The following BCL2 variants were observed in gnomAD, a reference collection of about 807,000 sequenced individuals.
BCL2 encodes the protein BCL2 apoptosis regulator.
BCL2 carries 1 observed loss-of-function variant against 14.2 expected under a neutral mutation model. The observed-to-expected ratio is 0.07, with a 90% confidence interval of 0.02 to 0.33. The LOEUF (loss-of-function observed/expected upper bound fraction) is 0.33. Ranked by LOEUF, BCL2 falls within the 10% of genes least tolerant of loss-of-function variation. The pLI, the probability that BCL2 is intolerant of heterozygous loss-of-function variation, is 0.99. For synonymous variants in BCL2, 151 were observed against 137.2 expected, an observed-to-expected ratio of 1.10 and a Z score of -0.70; for missense variants, 247 against 305.9, an observed-to-expected ratio of 0.81 and a Z score of 1.44.
chr18:63,173,880 A>C (rs1316767092), intron 2 of BCL2, among the ~76,000 whole-genome samples: 5 of 152,222 alleles, frequency 3.3e-5, no homozygotes, highest in Non-Finnish European at 7.4e-5. Context: ...ACTGACTATA[A>C]TCAAATTTGA....
chr18:63,163,470 G>T (rs1315466559), intron 2 of BCL2, among the ~76,000 whole-genome samples: 3 of 152,152 alleles, frequency 2.0e-5, no homozygotes, highest in African/African-American at 7.2e-5. Context: ...AACAGCAGAT[G>T]AAGCAACCTT....
At chr18:63,248,016 G>T (rs1911202706) in intron 2 of BCL2, among the ~76,000 whole-genome samples, 1 of 152,184 alleles carries the variant, frequency 6.6e-6, no homozygotes, top group African/African-American at 2.4e-5. Context: ...CATACATGGT[G>T]CCAAGCAGCC....
At chr18:63,229,873 A>G (rs1157466002) in intron 2 of BCL2, among the ~76,000 whole-genome samples, 1 of 152,172 alleles carries the variant, frequency 6.6e-6, no homozygotes, top group Non-Finnish European at 1.5e-5. Flanking sequence ...TGCCTTGGAT[A>G]TGCTGTTTCA....
intron 2 of BCL2, among the ~76,000 whole-genome samples, chr18:63,169,383 CT>C (rs1568222756): frequency 1.5e-4 from 17 of 114,402 alleles, no homozygotes; most frequent in South Asian, 8.9e-4. Context: ...TTCTTTCTTT[CT>C]TTCTTTTTCT....
intron 2 of BCL2, among the ~76,000 whole-genome samples, chr18:63,225,094 A>T (rs1176321714): frequency 6.6e-6 from 1 of 152,196 alleles, no homozygotes; most frequent in Non-Finnish European, 1.5e-5. Flanking sequence ...CTTTGTGGAA[A>T]AAGGTACTGT....
At chr18:63,181,865 A>G (rs1231195854) in intron 2 of BCL2, among the ~76,000 whole-genome samples, 1 of 152,198 alleles carries the variant, frequency 6.6e-6, no homozygotes, top group Non-Finnish European at 1.5e-5. Flanking sequence ...GTTCCACAGA[A>G]GGAGCCCTGC....
chr18:63,245,971 G>A (rs976812580), intron 2 of BCL2, among the ~76,000 whole-genome samples: 1 of 152,152 alleles, frequency 6.6e-6, no homozygotes, highest in Non-Finnish European at 1.5e-5. Flanking sequence ...CTAAGAAATG[G>A]AGTCTACTGA....
chr18:63,225,784 G>A (rs1051582195), intron 2 of BCL2, among the ~76,000 whole-genome samples: 1 of 152,200 alleles, frequency 6.6e-6, no homozygotes, highest in African/African-American at 2.4e-5. Context: ...GCTGGAAGGA[G>A]CGAATTCCAT....
intron 2 of BCL2, among the ~76,000 whole-genome samples, chr18:63,213,533 CACACACACACATAA>C (rs1216471758): frequency 7.8e-5 from 8 of 102,438 alleles, no homozygotes; most frequent in Middle Eastern, 4.6e-3. Flanking sequence ...AAACCACACA[CACACACACACATAA>C]ACACACACAC....
intron 2 of BCL2, among the ~76,000 whole-genome samples, chr18:63,217,395 C>T (rs960012035): frequency 6.6e-6 from 1 of 152,160 alleles, no homozygotes; most frequent in Non-Finnish European, 1.5e-5. Context: ...ACTAAAAGGA[C>T]TGTCTTGCTG....
At chr18:63,142,048 G>C (rs1914380492) in intron 2 of BCL2, among the ~76,000 whole-genome samples, 1 of 152,248 alleles carries the variant, frequency 6.6e-6, no homozygotes. Context: ...GCTGCTGGGG[G>C]CAGTGAGGGG....
chr18:63,272,440 G>A (rs910279877), intron 2 of BCL2, among the ~76,000 whole-genome samples: 1 of 152,114 alleles, frequency 6.6e-6, no homozygotes, highest in African/African-American at 2.4e-5. Flanking sequence ...ACATTCTGTA[G>A]TGCATAATGG....
At chr18:63,223,249 A>C (rs1202120999) in intron 2 of BCL2, among the ~76,000 whole-genome samples, 1 of 152,158 alleles carries the variant, frequency 6.6e-6, no homozygotes, top group Non-Finnish European at 1.5e-5. Context: ...AAATAGAAAA[A>C]GTTAGCCGGG....
Position 63,133,536 on chromosome 18 carries a change from C to T in BCL2, c.586-4777G>A, listed in dbSNP as rs1914128463. On this transcript the variant is annotated intron_variant, in intron 2 of 2. Coordinates refer to ENST00000333681, the MANE Select transcript of BCL2 (RefSeq NM_000633.3). ...CTCCTGGCCTCAAGTGATCCTCCCACCTTGGCCTCCCAAAGTGCTGGGATT... is the reference window on the plus strand; with the variant it reads ...CTCCTGGCCTCAAGTGATCCTCCCATCTTGGCCTCCCAAAGTGCTGGGATT... 3.3e-5 allele frequency among the ~76,000 whole-genome samples: 5 copies of T among 152,118 alleles called. No individual in the cohort carries two copies. The South Asian group carries it at 1.0e-3, about 32-fold the overall frequency.
chr18:63,259,027 A>G (rs548432263), intron 2 of BCL2, among the ~76,000 whole-genome samples: 1 of 152,370 alleles, frequency 6.6e-6, no homozygotes, highest in African/African-American at 2.4e-5. Context: ...TTTGTTCATC[A>G]CATTTTATTG....
At chr18:63,266,637 T>TCTCACACA (rs1491465885) in intron 2 of BCL2, among the ~76,000 whole-genome samples, 2 of 85,938 alleles carry the variant, frequency 2.3e-5, no homozygotes, top group African/African-American at 7.2e-5. Context: ...TCTCTCTCTC[T>TCTCACACA]CACACACACA....
chr18:63,186,791 C>T (rs1915602632), intron 2 of BCL2, among the ~76,000 whole-genome samples: 1 of 152,172 alleles, frequency 6.6e-6, no homozygotes, highest in Non-Finnish European at 1.5e-5. Context: ...TGTATATAAA[C>T]TGTAAACCCA....
chr18:63,165,643 G>A (rs1013303978), intron 2 of BCL2, among the ~76,000 whole-genome samples: 2 of 152,332 alleles, frequency 1.3e-5, no homozygotes, highest in South Asian at 2.1e-4. Context: ...CTGACTCCTT[G>A]GGGGTGAAGG....
At chr18:63,189,562 A>G (rs1405371317) in intron 2 of BCL2, among the ~76,000 whole-genome samples, 2 of 152,180 alleles carry the variant, frequency 1.3e-5, no homozygotes, top group Non-Finnish European at 2.9e-5. Context: ...GTCATCTTGT[A>G]TGTACTGAAT....
Sources: gnomAD v4.1 joint callset for allele counts (sites outside exome capture counted in the v4.1 genomes callset) on GRCh38, gnomAD v4.1.1 for gene constraint, MANE v1.5 for transcripts, NCBI Gene and HGNC (gene_info 2026-07-23, HGNC 2026-07-21) for gene names.